LRP1B: variants seen among roughly 807,000 people sequenced by gnomAD.
LRP1B encodes the protein LDL receptor related protein 1B.
Under a neutral mutation model 556.6 loss-of-function variants are expected in LRP1B, and 217 were observed. The observed-to-expected ratio is 0.39, with a 90% CI of 0.35 to 0.44. The LOEUF (loss-of-function observed/expected upper bound fraction) is 0.44, where lower values mean the gene tolerates loss of function less well. LRP1B is among the 20% of genes least tolerant of loss of function. LRP1B has a pLI of 1.00. For missense variants in LRP1B, 5,053 were observed against 5,620.8 expected (o/e 0.90, Z 3.23); for synonymous variants, 2,047 against 1,865.8 (o/e 1.10, Z -2.50).
chr2:141,986,076 TA>T lies in LRP1B; in HGVS notation c.82+144571del, dbSNP rs199703853. ...TATGGGCTTCTTTCTCAGGGAAAAG[TA>T]AATGTTCATATCTAAAATTAAGAGC... On this transcript the variant is annotated intron_variant, in intron 1 of 90. Coordinates refer to ENST00000389484, the MANE Select transcript of LRP1B (RefSeq NM_018557.3). 6.8e-3 allele frequency among the ~76,000 whole-genome samples: 1,040 copies of T among 152,028 alleles called. 2 individuals carry two copies. The highest frequency in any genetic ancestry group is 0.012 in the Non-Finnish European group (795 of 67,824).
At chr2:142,076,636 C>G (rs1303372618) in intron 1 of LRP1B, among the ~76,000 whole-genome samples, 1 of 152,006 alleles carries the variant, frequency 6.6e-6, no homozygotes, top group African/African-American at 2.4e-5. Flanking sequence ...TTTTAAATAG[C>G]TGCTTCTTCT....
intron 3 of LRP1B, among the ~76,000 whole-genome samples, chr2:141,336,287 C>T (rs139670061): frequency 0.012 from 1,779 of 152,190 alleles, 23 homozygotes; most frequent in Middle Eastern, 0.02. Context: ...AGGCTACAAG[C>T]TGTCTTGCTC....
chr2:141,389,866 G>T (rs979607605), intron 3 of LRP1B, among the ~76,000 whole-genome samples: 3 of 152,192 alleles, frequency 2.0e-5, no homozygotes, highest in Non-Finnish European at 4.4e-5. Flanking sequence ...CAGCCTTGGT[G>T]AGGTGGCTCA....
intron 86 of LRP1B, among the ~76,000 whole-genome samples, chr2:140,250,071 A>G (rs761279664): frequency 9.2e-5 from 14 of 151,700 alleles, no homozygotes; most frequent in Non-Finnish European, 1.8e-4. Context: ...ATTGCAATCC[A>G]CTATTCTCTG....
intron 41 of LRP1B, among the ~76,000 whole-genome samples, chr2:140,693,224 TC>T (rs1182160480): frequency 2.0e-5 from 3 of 152,202 alleles, no homozygotes; most frequent in African/African-American, 7.2e-5. Context: ...AATTTATATT[TC>T]TTTAAAATTG....
At chr2:140,344,845 T>C (rs1469251493) in intron 77 of LRP1B, among the ~76,000 whole-genome samples, 1 of 151,602 alleles carries the variant, frequency 6.6e-6, no homozygotes, top group African/African-American at 2.4e-5. Context: ...CTGGGGTATT[T>C]CATTATTAAG....
chr2:141,258,500 A>G (rs184551546), intron 3 of LRP1B, among the ~76,000 whole-genome samples: 5 of 152,218 alleles, frequency 3.3e-5, no homozygotes, highest in African/African-American at 1.2e-4. Context: ...AAGAGAGAAG[A>G]TATCATTTCA....
chr2:140,475,991 A>C (rs10496843), intron 59 of LRP1B, among the ~76,000 whole-genome samples: 7,304 of 152,018 alleles, frequency 0.048, 216 homozygotes, highest in African/African-American at 0.052. Flanking sequence ...GATTTACATT[A>C]TGTTATTAGA....
At chr2:141,817,019 C>T (rs1451211452) in intron 1 of LRP1B, among the ~76,000 whole-genome samples, 1 of 152,022 alleles carries the variant, frequency 6.6e-6, no homozygotes, top group African/African-American at 2.4e-5. Flanking sequence ...TTTTTAAAAA[C>T]ATTAGTTATA....
intron 1 of LRP1B, among the ~76,000 whole-genome samples, chr2:141,852,540 G>T (rs934989242): frequency 4.0e-5 from 6 of 151,494 alleles, no homozygotes; most frequent in Non-Finnish European, 5.9e-5. Flanking sequence ...TGTAATACAA[G>T]AAATAATAAT....
chr2:142,114,075 G>A (rs1258288971), intron 1 of LRP1B, among the ~76,000 whole-genome samples: 1 of 152,058 alleles, frequency 6.6e-6, no homozygotes, highest in East Asian at 1.9e-4. Flanking sequence ...ACTCCCTTCT[G>A]CAAGCCAAGA....
intron 84 of LRP1B, among the ~76,000 whole-genome samples, chr2:140,291,215 C>T (rs1683357409): frequency 6.7e-6 from 1 of 148,180 alleles, no homozygotes; most frequent in African/African-American, 2.4e-5. Context: ...TATGCTGTTC[C>T]CCCTTGCTGC....
At chr2:142,067,608 T>A (rs1467437891) in intron 1 of LRP1B, among the ~76,000 whole-genome samples, 5 of 151,596 alleles carry the variant, frequency 3.3e-5, no homozygotes, top group African/African-American at 1.2e-4. Context: ...AAGCACAGTT[T>A]TTTCTTATTG....
chr2:140,949,140 C>T (rs1481989664), intron 20 of LRP1B, among the ~76,000 whole-genome samples: 1 of 152,132 alleles, frequency 6.6e-6, no homozygotes, highest in Non-Finnish European at 1.5e-5. Context: ...TACTTTGTTG[C>T]TTGTTTGTTT....
chr2:141,490,180 C>T (rs1683275889), intron 2 of LRP1B, among the ~76,000 whole-genome samples: 1 of 152,046 alleles, frequency 6.6e-6, no homozygotes, highest in Non-Finnish European at 1.5e-5. Flanking sequence ...TTGCATCTAA[C>T]ATATAGAGCT....
At chr2:141,653,295 G>C (rs1298901672) in intron 2 of LRP1B, among the ~76,000 whole-genome samples, 3 of 152,180 alleles carry the variant, frequency 2.0e-5, no homozygotes, top group African/African-American at 7.2e-5. Flanking sequence ...CATGTTGCAA[G>C]ATCATCGTGT....
intron 7 of LRP1B, among the ~76,000 whole-genome samples, chr2:141,170,786 A>C (rs1680470963): frequency 1.3e-5 from 2 of 152,136 alleles, no homozygotes; most frequent in Non-Finnish European, 2.9e-5. Flanking sequence ...AGAAAGAAAC[A>C]GGCTCACCTA....
At chr2:140,617,147 T>C (rs2105240242) in intron 41 of LRP1B, among the ~76,000 whole-genome samples, 1 of 152,052 alleles carries the variant, frequency 6.6e-6, no homozygotes, top group South Asian at 2.1e-4. Context: ...TGCTATTTAA[T>C]CTTAGGATGC....
chr2:141,198,105 T>C (rs1324694582), intron 6 of LRP1B, among the ~76,000 whole-genome samples: 1 of 152,172 alleles, frequency 6.6e-6, no homozygotes. Context: ...TTAGGTTTTA[T>C]ACCACATTTC....
Sources: gnomAD v4.1 joint callset for allele counts (sites outside exome capture counted in the v4.1 genomes callset) on GRCh38, gnomAD v4.1.1 for gene constraint, MANE v1.5 for transcripts, NCBI Gene and HGNC (gene_info 2026-07-23, HGNC 2026-07-21) for gene names.